NR1I2: variants seen among roughly 807,000 people sequenced by gnomAD.
The protein encoded by NR1I2 is nuclear receptor subfamily 1 group I member 2.
Under a neutral mutation model 43.3 loss-of-function variants are expected in NR1I2, and 42 were observed. That is an observed-to-expected ratio of 0.97 (90% CI 0.76 to 1.26). NR1I2 has a LOEUF of 1.26. NR1I2 is among the 50% of genes most tolerant of loss of function. The probability of loss-of-function intolerance (pLI) is 0.00; values close to 1 mark genes in which losing one functional copy is unlikely to be tolerated. For synonymous variants in NR1I2, 229 were observed against 215.0 expected, an observed-to-expected ratio of 1.06 and a Z score of -0.57; for missense variants, 559 against 566.7, an observed-to-expected ratio of 0.99 and a Z score of 0.14.
At chr3:119,813,915 G>C (rs144198149) in intron 5 of NR1I2, among the ~76,000 whole-genome samples, 23 of 152,260 alleles carry the variant, frequency 1.5e-4, no homozygotes, top group African/African-American at 5.3e-4. Flanking sequence ...GTGACCTGAG[G>C]TGTCACTGCC....
chr3:119,810,500 T>C, intron 3 of NR1I2: 1 of 438,958 alleles, frequency 2.3e-6, no homozygotes. Flanking sequence ...CCCTTCATAA[T>C]TGTTGTAATG....
At chr3:119,791,561 C>T (rs2054919490) in intron 1 of NR1I2, among the ~76,000 whole-genome samples, 1 of 152,134 alleles carries the variant, frequency 6.6e-6, no homozygotes, top group Admixed American at 6.5e-5. Flanking sequence ...CTTGATGGGT[C>T]TCTTGTCAAA....
At chr3:119,791,860 T>C (rs1221939352) in intron 1 of NR1I2, 34 of 576,084 alleles carry the variant, frequency 5.9e-5, no homozygotes, top group Non-Finnish European at 8.0e-5. Flanking sequence ...AAGTTTGGAC[T>C]GGCCTTAGCT....
At chr3:119,789,438 A>C (rs1393487990) in intron 1 of NR1I2, among the ~76,000 whole-genome samples, 1 of 152,186 alleles carries the variant, frequency 6.6e-6, no homozygotes, top group African/African-American at 2.4e-5. Flanking sequence ...AAGAGAGAGA[A>C]TGAGAACCAA....
At chr3:119,809,851 C>T (rs1192693056) in intron 2 of NR1I2, among the ~76,000 whole-genome samples, 1 of 152,156 alleles carries the variant, frequency 6.6e-6, no homozygotes, top group Non-Finnish European at 1.5e-5. Context: ...AGGTCTCCTC[C>T]CCGGCTCTGC....
chr3:119,797,197 T>TGTGC (rs2055013226), intron 1 of NR1I2, among the ~76,000 whole-genome samples: 1 of 150,446 alleles, frequency 6.6e-6, no homozygotes, highest in African/African-American at 2.5e-5. Context: ...TGTGTGTGTG[T>TGTGC]GTGTGTGTGT....
intron 1 of NR1I2, among the ~76,000 whole-genome samples, chr3:119,785,984 A>G (rs2107943347): frequency 6.6e-6 from 1 of 152,344 alleles, no homozygotes; most frequent in East Asian, 1.9e-4. Flanking sequence ...CTCTTGGTTA[A>G]CCAAGAATTT....
At chr3:119,808,166 T>C (rs2055187671) in intron 2 of NR1I2, among the ~76,000 whole-genome samples, 1 of 152,136 alleles carries the variant, frequency 6.6e-6, no homozygotes, top group Non-Finnish European at 1.5e-5. Flanking sequence ...ATAAGGAAAA[T>C]GTGTTACCTC....
Position 119,810,137 on chromosome 3 carries a change from C to G in NR1I2, c.274C>G (p.Arg92Gly). The change falls in exon 3 of 9, where the codon CGA (arginine) becomes GGA (glycine). Residue 92 changes from arginine to glycine, a missense_variant. By Grantham distance (125) the Arg-to-Gly change is moderately radical. This residue lies in a region of NR1I2 where 232 missense variants were observed against 236.6 expected (regional missense o/e 0.98). Coordinates refer to ENST00000393716, the MANE Select transcript of NR1I2 (RefSeq NM_003889.4). Reference sequence around the variant, plus strand: ...CTGCGAGATCACCCGGAAGACCCGGCGACAGTGCCAGGCCTGCCGCCTGCG... The same window carrying G: ...CTGCGAGATCACCCGGAAGACCCGGGGACAGTGCCAGGCCTGCCGCCTGCG... The G allele has an allele frequency of 1.2e-6, 2 of 1,613,350 alleles. No individual in the cohort carries two copies. The highest frequency in any genetic ancestry group is 1.7e-6 in the Non-Finnish European group (2 of 1,179,862).
chr3:119,811,620 TG>T lies in NR1I2; in HGVS notation c.416del (p.Gly139GlufsTer5), dbSNP rs778019741. On this transcript the variant is annotated frameshift_variant, in exon 4 of 9. Transcript: ENST00000393716. LOFTEE classifies it high-confidence loss of function. ...AGTGAACGGACAGGGACTCAGCCACTGGGAGTGCAGGGGCTGACAGAGGAGC... is the reference window on the plus strand; with the variant it reads ...AGTGAACGGACAGGGACTCAGCCACTGGAGTGCAGGGGCTGACAGAGGAGC... 1 of 1,613,994 alleles carries T rather than the reference TG, an allele frequency of 6.2e-7. No homozygotes were observed. The highest frequency in any genetic ancestry group is 8.5e-7 in the Non-Finnish European group (1 of 1,179,968).
intron 1 of NR1I2, chr3:119,791,889 A>G: frequency 1.6e-6 from 1 of 616,678 alleles, no homozygotes. Context: ...AGGCATGGTG[A>G]ACTCTGCCTT....
At chr3:119,796,935 T>C (rs2055008229) in intron 1 of NR1I2, among the ~76,000 whole-genome samples, 1 of 152,142 alleles carries the variant, frequency 6.6e-6, no homozygotes, top group Admixed American at 6.5e-5. Context: ...GTGAGTTAGT[T>C]CAACATCAGT....
chr3:119,811,648 G>T lies in NR1I2; in HGVS notation c.441G>T (p.Gln147His). 1 of 1,614,050 alleles carries T rather than the reference G, an allele frequency of 6.2e-7. No homozygotes were observed. The highest frequency in any genetic ancestry group is 8.5e-7 in the Non-Finnish European group (1 of 1,179,978). Residue 147 changes from glutamine to histidine, a missense_variant, in exon 4 of 9, where the codon CAG (glutamine) becomes CAT (histidine). Transcript: ENST00000393716. ...GAGTGCAGGGGCTGACAGAGGAGCA[G>T]CGGATGATGATCAGGGAGCTGATGG...
Position 119,818,441 on chromosome 3 carries a change from A to T in NR1I2, c.*1229A>T. ...TTTGGGAAATGTAGCCCTGGGTTTAATGTCAAATCAAGGCAAAAGGAATTA... is the reference window on the plus strand; with the variant it reads ...TTTGGGAAATGTAGCCCTGGGTTTATTGTCAAATCAAGGCAAAAGGAATTA... On this transcript the variant is annotated 3_prime_UTR_variant, in exon 9 of 9. Transcript: ENST00000393716. 3.0e-6 allele frequency: 3 copies of T among 985,324 alleles called. 1 individual carries two copies. The highest frequency in any genetic ancestry group is 3.5e-5 in the African/African-American group (2 of 57,332). The allele number at this position is 985,324 out of a possible 1,614,324, so 61.0% of individuals were successfully genotyped here.
intron 6 of NR1I2, 39 bp downstream of exon 6, chr3:119,815,160 A>G (rs200719238): frequency 1.2e-6 from 2 of 1,613,774 alleles, no homozygotes; most frequent in East Asian, 2.2e-5. Context: ...AGAGGGAGGG[A>G]AACACTGCAG....
intron 1 of NR1I2, among the ~76,000 whole-genome samples, chr3:119,801,452 G>A (rs974693737): frequency 2.0e-5 from 3 of 152,216 alleles, no homozygotes; most frequent in South Asian, 4.1e-4. Flanking sequence ...GAGAGATGTA[G>A]CTGGCACACC....
chr3:119,782,968 C>T, intron 1 of NR1I2: 1 of 858,684 alleles, frequency 1.2e-6, no homozygotes, highest in East Asian at 2.6e-5. Context: ...CCCAGCTCGG[C>T]TGAAGCTATG....
At position 119,818,269 on chromosome 3, in the gene NR1I2, G is replaced by C; in HGVS notation, c.*1057G>C. On this transcript the variant is annotated 3_prime_UTR_variant, in exon 9 of 9. Transcript: ENST00000393716. Reference sequence around the variant, plus strand: ...CACACCGGAGAAGAACCATTTACATGCACCTTATATTTCTGTGTACACATC... The same window carrying C: ...CACACCGGAGAAGAACCATTTACATCCACCTTATATTTCTGTGTACACATC... The C allele has an allele frequency of 1.0e-6, 1 of 985,530 alleles. No homozygotes were observed. The highest frequency in any genetic ancestry group is 4.7e-5 in the South Asian group (1 of 21,278). 61.0% of individuals were successfully genotyped at this position (985,530 alleles called of 1,614,324 possible).
chr3:119,810,587 G>A (rs2055225869), intron 3 of NR1I2: 1 of 257,580 alleles, frequency 3.9e-6, no homozygotes, highest in Middle Eastern at 1.4e-3. Context: ...TAGGACCCGG[G>A]GCCTTCTAGG....
Sources: gnomAD v4.1 joint callset for allele counts (sites outside exome capture counted in the v4.1 genomes callset) on GRCh38, gnomAD v4.1.1 for gene constraint, gnomAD v4.1.1 regional missense constraint, MANE v1.5 for transcripts, NCBI Gene and HGNC (gene_info 2026-07-23, HGNC 2026-07-21) for gene names.